Variants in SPMIP2 observed in about 807,000 individuals in gnomAD.
The protein encoded by SPMIP2 is protein SPMIP2.
the SPMIP2 span, among the ~76,000 whole-genome samples, chr4:158,997,593 C>T: frequency 6.6e-6 from 1 of 152,102 alleles, no homozygotes; most frequent in Non-Finnish European, 1.5e-5. Flanking sequence ...AGAAACTATC[C>T]TCACAAAAGG....
chr4:158,974,791 T>C, the SPMIP2 span, among the ~76,000 whole-genome samples: 3 of 152,300 alleles, frequency 2.0e-5, no homozygotes, highest in African/African-American at 7.2e-5. Context: ...GTCTTTATAG[T>C]AGAATGATTT....
chr4:158,895,292 TG>T, the SPMIP2 span, among the ~76,000 whole-genome samples: 1 of 152,092 alleles, frequency 6.6e-6, no homozygotes, highest in Non-Finnish European at 1.5e-5. Flanking sequence ...TCTGAGCTAT[TG>T]GGGGAAAAAA....
chr4:159,070,728 A>T, the SPMIP2 span, among the ~76,000 whole-genome samples: 6 of 152,218 alleles, frequency 3.9e-5, no homozygotes, highest in Non-Finnish European at 8.8e-5. Context: ...AGTGCTGTGA[A>T]ATGGAGACAT....
At chr4:158,941,138 C>T in the SPMIP2 span, among the ~76,000 whole-genome samples, 2 of 152,136 alleles carry the variant, frequency 1.3e-5, no homozygotes, top group Non-Finnish European at 2.9e-5. Flanking sequence ...CAAATGCACA[C>T]GTACAGATAG....
At chr4:159,059,051 G>A in the SPMIP2 span, among the ~76,000 whole-genome samples, 1 of 152,212 alleles carries the variant, frequency 6.6e-6, no homozygotes. Flanking sequence ...ATCTGTGAGA[G>A]CTTAAATTCT....
the SPMIP2 span, among the ~76,000 whole-genome samples, chr4:158,948,273 A>G: frequency 6.6e-6 from 1 of 152,130 alleles, no homozygotes; most frequent in Non-Finnish European, 1.5e-5. Flanking sequence ...GTCCTGCTAG[A>G]TAACATTCTT....
the SPMIP2 span, among the ~76,000 whole-genome samples, chr4:158,979,969 C>A: frequency 2.0e-5 from 3 of 151,968 alleles, no homozygotes; most frequent in Non-Finnish European, 2.9e-5. Context: ...TTCTTGCTGT[C>A]GGCACGGCAG....
At chr4:159,007,478 G>C in the SPMIP2 span, 7 of 719,836 alleles carry the variant, frequency 9.7e-6, no homozygotes, top group African/African-American at 8.8e-5. Context: ...ATGCATTCTA[G>C]TGATCACAGG....
the SPMIP2 span, among the ~76,000 whole-genome samples, chr4:159,080,940 G>C: frequency 2.3e-4 from 35 of 152,088 alleles, no homozygotes; most frequent in Non-Finnish European, 1.2e-4. Context: ...AGCCAGGATA[G>C]TCTCGATCTC....
chr4:159,076,525 T>A, the SPMIP2 span, among the ~76,000 whole-genome samples: 2 of 152,222 alleles, frequency 1.3e-5, no homozygotes, highest in East Asian at 3.8e-4. Flanking sequence ...AATAAAAGCA[T>A]GTTATTTTCA....
the SPMIP2 span, among the ~76,000 whole-genome samples, chr4:159,017,295 G>GT: frequency 1.3e-5 from 2 of 151,840 alleles, no homozygotes; most frequent in Non-Finnish European, 1.5e-5. Flanking sequence ...GGATGGAACA[G>GT]TCAATCAAAC....
the SPMIP2 span, among the ~76,000 whole-genome samples, chr4:159,008,214 TG>T: frequency 6.6e-6 from 1 of 152,260 alleles, no homozygotes; most frequent in African/African-American, 2.4e-5. Context: ...TACCTGTTAT[TG>T]TGACTTCAGA....
At chr4:159,045,585 T>A in the SPMIP2 span, among the ~76,000 whole-genome samples, 58 of 152,210 alleles carry the variant, frequency 3.8e-4, no homozygotes, top group African/African-American at 1.3e-3. Context: ...GGGGTGGGAA[T>A]AGCTATGAGA....
the SPMIP2 span, among the ~76,000 whole-genome samples, chr4:158,942,406 A>G: frequency 1.3e-5 from 2 of 152,212 alleles, no homozygotes; most frequent in Non-Finnish European, 2.9e-5. Context: ...TGATGTTAAC[A>G]GGCTTTGCAC....
chr4:159,001,779 C>G, the SPMIP2 span, among the ~76,000 whole-genome samples: 157 of 152,248 alleles, frequency 1.0e-3, no homozygotes, highest in African/African-American at 3.6e-3. Flanking sequence ...AATGTCTTTG[C>G]TATTGTGAGT....
chr4:158,954,247 T>C, the SPMIP2 span, among the ~76,000 whole-genome samples: 5 of 152,296 alleles, frequency 3.3e-5, no homozygotes, highest in Middle Eastern at 3.4e-3. Context: ...GTTTCCCCTA[T>C]ACTGTTCTCG....
the SPMIP2 span, chr4:158,907,785 A>T: frequency 5.3e-5 from 8 of 152,168 alleles, no homozygotes; most frequent in Admixed American, 5.2e-4. Context: ...CTGAATGTTA[A>T]TTTTTAAATG....
the SPMIP2 span, among the ~76,000 whole-genome samples, chr4:159,050,796 TTAAAAAAAAAAAGCTA>T: frequency 1.5e-5 from 2 of 130,224 alleles, no homozygotes; most frequent in Non-Finnish European, 3.2e-5. Flanking sequence ...AACTCATCCG[TTAAAAAAAAAAAGCTA>T]TAAAAAAAAA....
the SPMIP2 span, among the ~76,000 whole-genome samples, chr4:159,009,758 C>G: frequency 6.6e-6 from 1 of 152,022 alleles, no homozygotes; most frequent in African/African-American, 2.4e-5. Context: ...ATCCCTTGGG[C>G]CCAGGGGTTT....
Sources: gnomAD v4.1 joint callset for allele counts (sites outside exome capture counted in the v4.1 genomes callset) on GRCh38, gnomAD v4.1.1 for gene constraint, MANE v1.5 for transcripts, NCBI Gene and HGNC (gene_info 2026-07-23, HGNC 2026-07-21) for gene names.